The following STARD13 variants were observed in gnomAD, a reference collection of about 807,000 sequenced individuals.
STARD13 encodes StAR related lipid transfer domain containing 13, also known as stAR-related lipid transfer protein 13.
A neutral mutation model predicts 106.4 loss-of-function variants in STARD13; 62 were observed. The ratio of observed to expected loss-of-function variants is 0.58; its 90% CI spans 0.48 to 0.72. STARD13 has a LOEUF of 0.72. Ranked by LOEUF, STARD13 falls within the 30% of genes least tolerant of loss-of-function variation. The probability of loss-of-function intolerance (pLI) is 0.00; values close to 1 mark genes in which losing one functional copy is unlikely to be tolerated. For synonymous variants in STARD13, 565 were observed against 553.0 expected, an observed-to-expected ratio of 1.02 and a Z score of -0.31; for missense variants, 1,387 against 1,424.0, an observed-to-expected ratio of 0.97 and a Z score of 0.42.
the STARD13 span, among the ~76,000 whole-genome samples, chr13:33,612,336 C>A: frequency 0.034 from 5,146 of 152,268 alleles, 352 homozygotes; most frequent in East Asian, 0.29. Context: ...AGACACTTGA[C>A]TTTCCTCTGG....
the STARD13 span, among the ~76,000 whole-genome samples, chr13:33,509,350 T>C: frequency 6.6e-6 from 1 of 152,138 alleles, no homozygotes; most frequent in South Asian, 2.1e-4. Flanking sequence ...CTTTAGGATG[T>C]GTAAATCTCT....
At chr13:33,148,062 A>G (rs1361609647) in intron 3 of STARD13, among the ~76,000 whole-genome samples, 1 of 152,262 alleles carries the variant, frequency 6.6e-6, no homozygotes, top group Non-Finnish European at 1.5e-5. Flanking sequence ...CATCACAAAA[A>G]TTAATTCAAA....
At chr13:33,577,014 C>A in the STARD13 span, among the ~76,000 whole-genome samples, 1 of 152,144 alleles carries the variant, frequency 6.6e-6, no homozygotes, top group African/African-American at 2.4e-5. Flanking sequence ...AACACAAGAC[C>A]TAGCATTTAT....
At chr13:33,669,247 C>T in the STARD13 span, among the ~76,000 whole-genome samples, 1 of 152,118 alleles carries the variant, frequency 6.6e-6, no homozygotes, top group Non-Finnish European at 1.5e-5. Context: ...AGGAAATGAC[C>T]CTCATAGAAA....
intron 3 of STARD13, among the ~76,000 whole-genome samples, chr13:33,163,611 T>TATATATATATAAC (rs1555239825): frequency 2.4e-5 from 2 of 85,016 alleles, no homozygotes; most frequent in Admixed American, 3.1e-4. Context: ...AAAAAATATA[T>TATATATATATAAC]ATATATATAT....
chr13:33,118,275 C>T lies in STARD13; in HGVS notation c.2083-12G>A. On this transcript the variant is annotated splice_polypyrimidine_tract_variant and intron_variant, in intron 7 of 13. Transcript: ENST00000336934. ...CGAAAAAGACCCACCTGAAACAAAG[C>T]CATAGGGATGTGTCAGCCAGGCCAC... is the stretch of plus-strand genomic sequence containing the variant. 1 of 1,612,302 alleles carries T rather than the reference C, an allele frequency of 6.2e-7. No individual in the cohort carries two copies. Among genetic ancestry groups the T allele is most frequent in the East Asian group, 2.2e-5 (1 of 44,876 alleles).
chr13:33,502,613 C>T, the STARD13 span, among the ~76,000 whole-genome samples: 3 of 151,944 alleles, frequency 2.0e-5, no homozygotes, highest in Non-Finnish European at 4.4e-5. Context: ...GAATTTTGTC[C>T]AAGGCCTTTT....
the STARD13 span, among the ~76,000 whole-genome samples, chr13:33,668,788 C>T: frequency 6.6e-6 from 1 of 152,172 alleles, no homozygotes; most frequent in Non-Finnish European, 1.5e-5. Context: ...GCATCTAGCC[C>T]TGAAGATCAC....
At position 33,110,705 on chromosome 13, in the gene STARD13, G is replaced by C. The variant is rs1593852450; in HGVS notation, c.2810C>G (p.Thr937Arg). 6.2e-7 allele frequency: 1 copy of C among 1,614,096 alleles called. No individual in the cohort carries two copies. The highest frequency in any genetic ancestry group is 8.5e-7 in the Non-Finnish European group (1 of 1,179,914). Residue 937 changes from threonine to arginine, a missense_variant, in exon 11 of 14, where the codon ACA (threonine) becomes AGA (arginine). Coordinates refer to ENST00000336934, the MANE Select transcript of STARD13 (RefSeq NM_178006.4). ...GATTACCTTTTTGAAAGCAAGATCT[G>C]TATTGTCCGTGCTGGAGCACGTGAC... ...GWVTCSSTDN[T>R]DLAFKKVGDG...
the STARD13 span, among the ~76,000 whole-genome samples, chr13:33,649,333 T>C: frequency 6.6e-6 from 1 of 152,210 alleles, no homozygotes; most frequent in Non-Finnish European, 1.5e-5. Context: ...TTTCCGTTTC[T>C]CATTTTTCAG....
At chr13:33,437,313 C>A in the STARD13 span, among the ~76,000 whole-genome samples, 1 of 152,186 alleles carries the variant, frequency 6.6e-6, no homozygotes, top group Non-Finnish European at 1.5e-5. Context: ...CTCTCACATG[C>A]ACCTCCTTAG....
intron 1 of STARD13, among the ~76,000 whole-genome samples, chr13:33,323,015 A>C (rs1471300011): frequency 6.6e-6 from 1 of 152,248 alleles, no homozygotes; most frequent in African/African-American, 2.4e-5. Context: ...GAACTGTAAC[A>C]GAATAAGAGA....
intron 1 of STARD13, chr13:33,186,026 G>A (rs1885735079): frequency 4.3e-6 from 7 of 1,614,140 alleles, no homozygotes; most frequent in Non-Finnish European, 5.9e-6. Flanking sequence ...CCAGCATGGA[G>A]GTTCAAAGAA....
At chr13:33,301,573 T>C (rs28439065) in intron 1 of STARD13, among the ~76,000 whole-genome samples, 1 of 141,830 alleles carries the variant, frequency 7.1e-6, no homozygotes, top group African/African-American at 2.8e-5. Context: ...TTTTTCTTTT[T>C]TTTTTTTTTT....
chr13:33,133,279 C>G (rs1878578510), intron 4 of STARD13, among the ~76,000 whole-genome samples: 1 of 152,100 alleles, frequency 6.6e-6, no homozygotes, highest in Non-Finnish European at 1.5e-5. Context: ...CTGCTGGTCT[C>G]TAAGAGCTTA....
chr13:33,128,309 G>C (rs1036904047), intron 5 of STARD13, among the ~76,000 whole-genome samples: 7 of 152,186 alleles, frequency 4.6e-5, no homozygotes, highest in African/African-American at 1.7e-4. Context: ...TCAGTATTGA[G>C]ATGGAGCCCG....
chr13:33,162,411 C>T (rs1489083041), intron 3 of STARD13, among the ~76,000 whole-genome samples: 1 of 152,216 alleles, frequency 6.6e-6, no homozygotes, highest in African/African-American at 2.4e-5. Flanking sequence ...CTCCTTGACA[C>T]TTATGCAAAT....
At chr13:33,460,789 A>G in the STARD13 span, among the ~76,000 whole-genome samples, 73 of 152,296 alleles carry the variant, frequency 4.8e-4, no homozygotes, top group African/African-American at 1.3e-3. Context: ...CACTCAACTA[A>G]AATTGCCAGT....
At chr13:33,206,536 C>T (rs1364792228) in intron 1 of STARD13, among the ~76,000 whole-genome samples, 1 of 152,228 alleles carries the variant, frequency 6.6e-6, no homozygotes, top group Non-Finnish European at 1.5e-5. Context: ...GGTCATCCTT[C>T]ACATTCTGAT....
Sources: gnomAD v4.1 joint callset for allele counts (sites outside exome capture counted in the v4.1 genomes callset) on GRCh38, gnomAD v4.1.1 for gene constraint, MANE v1.5 for transcripts, NCBI Gene and HGNC (gene_info 2026-07-23, HGNC 2026-07-21) for gene names.